Variants in PRKG1 observed in about 807,000 individuals in gnomAD.
The protein encoded by PRKG1 is cGMP-dependent protein kinase 1.
A neutral mutation model predicts 88.1 loss-of-function variants in PRKG1; 35 were observed. The ratio of observed to expected loss-of-function variants is 0.40; its 90% CI spans 0.30 to 0.53. PRKG1 has a LOEUF of 0.53. PRKG1 is among the 20% of genes least tolerant of loss of function. PRKG1 has a pLI of 0.59. For missense variants in PRKG1, 540 were observed against 839.8 expected, an observed-to-expected ratio of 0.64 and a Z score of 4.41; for synonymous variants, 303 against 292.5, an observed-to-expected ratio of 1.04 and a Z score of -0.37.
chr10:51,276,606 C>T (rs1242721010), intron 2 of PRKG1, among the ~76,000 whole-genome samples: 3 of 152,104 alleles, frequency 2.0e-5, no homozygotes, highest in Admixed American at 2.0e-4. Flanking sequence ...TCCTATTTCT[C>T]CACATCCTCT....
At chr10:51,477,013 TTAA>T (rs1446210829) in intron 3 of PRKG1, among the ~76,000 whole-genome samples, 37 of 151,992 alleles carry the variant, frequency 2.4e-4, no homozygotes, top group African/African-American at 8.2e-4. Flanking sequence ...TTTAAGGAGC[TTAA>T]GAAACTTCCT....
At position 51,477,573 on chromosome 10, in the gene PRKG1, C is replaced by G. The variant is rs147440006; in HGVS notation, c.592+9737C>G. On this transcript the variant is annotated intron_variant, in intron 3 of 17. Transcript: ENST00000373980. ...TTACCTTCAAAATTGTAAGGACCCA[C>G]CTTATGACTGTGGCAAGGATTAAAG... Among the ~76,000 whole-genome samples, 16 of 152,008 alleles carry G rather than the reference C, an allele frequency of 1.1e-4. No individual in the cohort carries two copies. The East Asian group carries it at 3.1e-3, about 30-fold the overall frequency.
In PRKG1 at chr10:51,961,186, TG is replaced by T. The variant is rs961476216; in HGVS notation, c.762+53622del. 5.3e-5 allele frequency among the ~76,000 whole-genome samples: 8 copies of T among 152,266 alleles called. No individual in the cohort carries two copies. In the East Asian group the frequency reaches 1.2e-3, roughly 22 times the overall value. On this transcript the variant is annotated intron_variant, in intron 5 of 17. Coordinates refer to ENST00000373980, the MANE Select transcript of PRKG1 (RefSeq NM_006258.4). The stretch of plus-strand genomic sequence containing the variant: ...ACCAAATACAGTTGTCTTGATATTG[TG>T]GGGGGAGGATTGGTTTCAGGATCCC...
intron 1 of PRKG1, among the ~76,000 whole-genome samples, chr10:51,149,689 A>G (rs1846019234): frequency 6.6e-6 from 1 of 152,172 alleles, no homozygotes; most frequent in African/African-American, 2.4e-5. Flanking sequence ...GGGTGTTAGA[A>G]AAATACTCTA....
chr10:51,520,029 T>C (rs1841695384), intron 3 of PRKG1, among the ~76,000 whole-genome samples: 1 of 152,114 alleles, frequency 6.6e-6, no homozygotes, highest in Non-Finnish European at 1.5e-5. Context: ...TTAGTTGATA[T>C]CCAGAGAAGT....
At chr10:52,036,500 G>A (rs1177392226) in intron 5 of PRKG1, among the ~76,000 whole-genome samples, 16 of 151,716 alleles carry the variant, frequency 1.1e-4, no homozygotes, top group Non-Finnish European at 1.8e-4. Context: ...AGCATGCTGC[G>A]GGATGGGATA....
At chr10:51,491,833 G>A (rs551080441) in intron 3 of PRKG1, among the ~76,000 whole-genome samples, 1 of 152,196 alleles carries the variant, frequency 6.6e-6, no homozygotes, top group East Asian at 1.9e-4. Flanking sequence ...TTTTGTTATT[G>A]TGAGGTTTTG....
intron 2 of PRKG1, among the ~76,000 whole-genome samples, chr10:51,168,034 A>G (rs1846596481): frequency 6.6e-6 from 1 of 152,180 alleles, no homozygotes; most frequent in Non-Finnish European, 1.5e-5. Flanking sequence ...ATAGATATGG[A>G]TATTCATAAA....
At chr10:51,329,744 TGTTA>T (rs1025402835) in intron 2 of PRKG1, among the ~76,000 whole-genome samples, 82 of 152,278 alleles carry the variant, frequency 5.4e-4, no homozygotes, top group African/African-American at 1.8e-3. Flanking sequence ...TTTGTTTGTT[TGTTA>T]GTTTTAACAA....
intron 3 of PRKG1, among the ~76,000 whole-genome samples, chr10:51,551,332 T>C (rs768754080): frequency 6.6e-6 from 1 of 151,866 alleles, no homozygotes; most frequent in African/African-American, 2.4e-5. Context: ...ACTAGAACGC[T>C]AAAATTTATT....
At chr10:51,068,429 C>G (rs1843781745) in intron 1 of PRKG1, 1 of 151,952 alleles carries the variant, frequency 6.6e-6, no homozygotes, top group Non-Finnish European at 1.5e-5. Flanking sequence ...AATAAAAATT[C>G]AATTCACCCA....
intron 1 of PRKG1, among the ~76,000 whole-genome samples, chr10:51,012,278 T>G (rs1460737324): frequency 6.6e-6 from 1 of 152,226 alleles, no homozygotes; most frequent in East Asian, 1.9e-4. Flanking sequence ...TGAACTGCTT[T>G]GGGAGGAACA....
At chr10:52,052,639 A>C (rs931909877) in intron 5 of PRKG1, among the ~76,000 whole-genome samples, 1 of 152,208 alleles carries the variant, frequency 6.6e-6, no homozygotes, top group East Asian at 1.9e-4. Context: ...GCACTCTTAC[A>C]TGGTGGCAGA....
intron 1 of PRKG1, among the ~76,000 whole-genome samples, chr10:51,113,813 A>G (rs894734577): frequency 6.6e-6 from 1 of 151,946 alleles, no homozygotes; most frequent in Non-Finnish European, 1.5e-5. Flanking sequence ...ACATAACTCA[A>G]TTCCATTGAA....
intron 3 of PRKG1, among the ~76,000 whole-genome samples, chr10:51,757,559 T>C (rs903761413): frequency 2.6e-5 from 4 of 152,194 alleles, no homozygotes. Flanking sequence ...CTTTACAATT[T>C]TGTTTAAAAT....
intron 3 of PRKG1, among the ~76,000 whole-genome samples, chr10:51,575,385 G>A (rs1837861392): frequency 6.6e-6 from 1 of 151,872 alleles, no homozygotes. Context: ...CCAATGTTGT[G>A]TTTTCATTTT....
intron 1 of PRKG1, among the ~76,000 whole-genome samples, chr10:51,007,968 G>A (rs1842957752): frequency 6.6e-6 from 1 of 152,168 alleles, no homozygotes; most frequent in South Asian, 2.1e-4. Flanking sequence ...GTACAGAGGA[G>A]GAGACTCAGT....
chr10:52,135,360 G>A (rs1393011463), intron 8 of PRKG1, among the ~76,000 whole-genome samples: 1 of 152,122 alleles, frequency 6.6e-6, no homozygotes. Flanking sequence ...GCTGGCACTG[G>A]TTCACTGAGA....
intron 3 of PRKG1, among the ~76,000 whole-genome samples, chr10:51,653,560 C>T (rs923577364): frequency 1.4e-4 from 22 of 151,916 alleles, no homozygotes; most frequent in African/African-American, 5.3e-4. Context: ...TTTTCTCTGA[C>T]TATTTTTTTC....
Sources: allele counts gnomAD v4.1 joint callset (sites outside exome capture counted in the v4.1 genomes callset), GRCh38; gene constraint gnomAD v4.1.1; transcripts MANE v1.5; gene names NCBI Gene and HGNC (gene_info 2026-07-23, HGNC 2026-07-21).